The following MAP2 variants were observed in gnomAD, a reference collection of about 807,000 sequenced individuals.
MAP2 encodes the protein microtubule-associated protein 2.
In MAP2, 14 loss-of-function variants were observed where a neutral mutation model predicts 137.6. The ratio of observed to expected loss-of-function variants is 0.10; its 90% CI spans 0.07 to 0.16. The LOEUF is 0.16. Ranked by LOEUF, MAP2 falls within the 10% of genes least tolerant of loss-of-function variation. The pLI is 1.00. For missense variants in MAP2, 2,088 were observed against 2,191.5 expected, an observed-to-expected ratio of 0.95 and a Z score of 0.94; for synonymous variants, 786 against 782.3, an observed-to-expected ratio of 1.00 and a Z score of -0.08.
chr2:209,545,660 A>G (rs755121025), intron 2 of MAP2, among the ~76,000 whole-genome samples: 1 of 152,236 alleles, frequency 6.6e-6, no homozygotes, highest in Non-Finnish European at 1.5e-5. Flanking sequence ...TTTTTAGCAC[A>G]AAATTGCTGC....
At chr2:209,515,216 G>A (rs531506839) in intron 2 of MAP2, among the ~76,000 whole-genome samples, 10 of 152,182 alleles carry the variant, frequency 6.6e-5, no homozygotes, top group African/African-American at 2.4e-4. Context: ...GAGTACATCT[G>A]TGTCTATCTT....
chr2:209,559,825 T>A (rs1553595294), intron 2 of MAP2, among the ~76,000 whole-genome samples: 2 of 145,778 alleles, frequency 1.4e-5, no homozygotes, highest in South Asian at 4.2e-4. Context: ...GTCAGCCACA[T>A]TTTTTTTTCA....
chr2:209,660,986 C>CCAAAGTGCTGGGATTACAG (rs2043328689), intron 5 of MAP2, among the ~76,000 whole-genome samples: 1 of 151,064 alleles, frequency 6.6e-6, no homozygotes, highest in Admixed American at 6.6e-5. Flanking sequence ...CCTCGTGATC[C>CCAAAGTGCTGGGATTACAG]GCCCGCCTCG....
chr2:209,728,552 C>T (rs1310065797), intron 14 of MAP2, among the ~76,000 whole-genome samples: 2 of 152,108 alleles, frequency 1.3e-5, no homozygotes, highest in African/African-American at 2.4e-5. Flanking sequence ...TCAAGAGGCC[C>T]CTGGCCAGGC....
rs765880656 is a variant in MAP2, at chr2:209,554,618, T to A, written c.-171-25418T>A. Among the ~76,000 whole-genome samples, 79 of 152,034 alleles carry A rather than the reference T, an allele frequency of 5.2e-4. 1 individual carries two copies. The highest frequency in any genetic ancestry group is 3.7e-4 in the Non-Finnish European group (25 of 67,986). On this transcript the variant is annotated intron_variant, in intron 2 of 15. Transcript: ENST00000682079. ...GCCTGGACAACGTGGTGAAGCGTTG[T>A]CTCTACAAAAATACAAAGCTACTCA...
rs180702737 is a variant in MAP2, at chr2:209,557,415, G to A, written c.-171-22621G>A. 1.8e-3 allele frequency among the ~76,000 whole-genome samples: 269 copies of A among 151,662 alleles called. 1 individual carries two copies. Among genetic ancestry groups the A allele is most frequent in the African/African-American group, 6.3e-3 (259 of 40,946 alleles). ...TGGAGGTAGACAGCAGGAAAAAAAT[G>A]TGGTTTTTTTTCCCTGTTTAAGCTG... On this transcript the variant is annotated intron_variant, in intron 2 of 15. Coordinates refer to ENST00000682079, the MANE Select transcript of MAP2 (RefSeq NM_001375505.1).
At chr2:209,521,573 T>G (rs2063296797) in intron 2 of MAP2, among the ~76,000 whole-genome samples, 1 of 151,920 alleles carries the variant, frequency 6.6e-6, no homozygotes, top group African/African-American at 2.4e-5. Flanking sequence ...AAAAAAAAAT[T>G]TTTTAGGTTG....
chr2:209,679,515 A>C (rs1420918338), intron 6 of MAP2, among the ~76,000 whole-genome samples: 1 of 144,084 alleles, frequency 6.9e-6, no homozygotes, highest in African/African-American at 2.9e-5. Context: ...GAGTCATAGA[A>C]AGGTGTGTTT....
intron 4 of MAP2, among the ~76,000 whole-genome samples, chr2:209,642,008 G>A (rs1264628347): frequency 6.6e-6 from 1 of 152,160 alleles, no homozygotes; most frequent in African/African-American, 2.4e-5. Flanking sequence ...AGCAAGCAAT[G>A]GAACGGATGT....
chr2:209,648,365 C>T (rs2094543319), intron 4 of MAP2, among the ~76,000 whole-genome samples: 2 of 152,066 alleles, frequency 1.3e-5, no homozygotes, highest in Non-Finnish European at 2.9e-5. Context: ...TACCAAAGTG[C>T]TGGCATTACA....
intron 1 of MAP2, among the ~76,000 whole-genome samples, chr2:209,503,000 T>C (rs867252793): frequency 9.4e-5 from 4 of 42,632 alleles, no homozygotes; most frequent in African/African-American, 2.0e-4. Context: ...ATTTTTTTTC[T>C]TTTTTTTTTT....
intron 1 of MAP2, among the ~76,000 whole-genome samples, chr2:209,489,936 A>G (rs1042165120): frequency 6.6e-6 from 1 of 152,180 alleles, no homozygotes; most frequent in Non-Finnish European, 1.5e-5. Flanking sequence ...CAGGAAATAC[A>G]AAGAACACTG....
At chr2:209,602,436 C>T (rs2083285402) in intron 3 of MAP2, among the ~76,000 whole-genome samples, 1 of 152,202 alleles carries the variant, frequency 6.6e-6, no homozygotes, top group African/African-American at 2.4e-5. Flanking sequence ...TCTCCTCAGG[C>T]AGGCTGGCAG....
chr2:209,702,840 T>TCCC (rs2062165123), intron 11 of MAP2, among the ~76,000 whole-genome samples: 1 of 152,110 alleles, frequency 6.6e-6, no homozygotes. Context: ...AATACTTATG[T>TCCC]CCTGTTGTAG....
At chr2:209,528,787 T>C (rs576920980) in intron 2 of MAP2, among the ~76,000 whole-genome samples, 53 of 148,376 alleles carry the variant, frequency 3.6e-4, no homozygotes, top group African/African-American at 1.3e-3. Context: ...CATATGTATG[T>C]ATATATGTAC....
intron 4 of MAP2, among the ~76,000 whole-genome samples, chr2:209,632,128 G>A (rs1335764421): frequency 1.3e-5 from 2 of 152,142 alleles, no homozygotes; most frequent in Non-Finnish European, 2.9e-5. Flanking sequence ...AAGAAAATTG[G>A]AGGTTTGCAT....
chr2:209,488,160 C>T (rs1450916088), intron 1 of MAP2, among the ~76,000 whole-genome samples: 1 of 152,140 alleles, frequency 6.6e-6, no homozygotes, highest in Admixed American at 6.5e-5. Context: ...GGGGTGTCGC[C>T]TCACCCAGGA....
chr2:209,661,922 A>C (rs1468375817), intron 5 of MAP2, among the ~76,000 whole-genome samples: 1 of 152,200 alleles, frequency 6.6e-6, no homozygotes, highest in African/African-American at 2.4e-5. Flanking sequence ...AATTAGAGGA[A>C]AAAAACCAAC....
chr2:209,640,804 C>A (rs941471057), intron 4 of MAP2, among the ~76,000 whole-genome samples: 1 of 151,916 alleles, frequency 6.6e-6, no homozygotes, highest in Admixed American at 6.6e-5. Flanking sequence ...AAAGCCGATC[C>A]CACTCATAGA....
Sources: gnomAD v4.1 joint callset for allele counts (sites outside exome capture counted in the v4.1 genomes callset) on GRCh38, gnomAD v4.1.1 for gene constraint, MANE v1.5 for transcripts, NCBI Gene and HGNC (gene_info 2026-07-23, HGNC 2026-07-21) for gene names.